Variants in HS2ST1 observed in about 807,000 individuals in gnomAD.
The protein encoded by HS2ST1 is 2-O-sulfotransferase.
A neutral mutation model predicts 42.9 loss-of-function variants in HS2ST1; 18 were observed. That is an observed-to-expected ratio of 0.42 (90% confidence interval 0.29 to 0.62). The LOEUF (loss-of-function observed/expected upper bound fraction) is 0.62, where lower values mean the gene tolerates loss of function less well. HS2ST1 is among the 20% of genes least tolerant of loss of function. HS2ST1 has a pLI of 0.21. For synonymous variants in HS2ST1, 146 were observed against 152.9 expected (o/e 0.95, Z 0.33); for missense variants, 334 against 433.8 (o/e 0.77, Z 2.04).
intron 3 of HS2ST1, among the ~76,000 whole-genome samples, chr1:87,087,095 A>G (rs1651834500): frequency 1.3e-5 from 2 of 152,140 alleles, no homozygotes; most frequent in African/African-American, 4.8e-5. Context: ...TATTATAAAC[A>G]GTAAAAATAT....
At chr1:87,096,545 A>C (rs1652070831) in intron 4 of HS2ST1, among the ~76,000 whole-genome samples, 1 of 152,190 alleles carries the variant, frequency 6.6e-6, no homozygotes, top group African/African-American at 2.4e-5. Context: ...CTTAATTTTT[A>C]TCATTGGCCT....
Position 86,950,597 on chromosome 1 carries a change from T to A in HS2ST1, c.124+35437T>A, listed in dbSNP as rs115861164. Among the ~76,000 whole-genome samples, 669 of 152,312 alleles carry A rather than the reference T, an allele frequency of 4.4e-3. 4 individuals carry two copies. The highest frequency in any genetic ancestry group is 0.015 in the African/African-American group (637 of 41,566). Reference sequence around the variant, plus strand: ...TTATTCTGATTACATAGGAAAATACTCTTCTTCTTAATGGGGTACATGTTG... The same window carrying A: ...TTATTCTGATTACATAGGAAAATACACTTCTTCTTAATGGGGTACATGTTG... On this transcript the variant is annotated intron_variant, in intron 1 of 6. Coordinates refer to ENST00000370550, the MANE Select transcript of HS2ST1 (RefSeq NM_012262.4).
intron 4 of HS2ST1, among the ~76,000 whole-genome samples, chr1:87,095,052 T>C (rs1049343163): frequency 1.2e-4 from 18 of 152,284 alleles, no homozygotes; most frequent in East Asian, 1.2e-3. Context: ...TTGTTTCTTA[T>C]GATACACATG....
At chr1:87,100,140 T>G (rs1237713954) in intron 5 of HS2ST1, among the ~76,000 whole-genome samples, 1 of 152,200 alleles carries the variant, frequency 6.6e-6, no homozygotes, top group Non-Finnish European at 1.5e-5. Flanking sequence ...ACAGCTCCAC[T>G]AGGCAGTTCC....
At chr1:86,984,214 A>G (rs1280855305) in intron 1 of HS2ST1, among the ~76,000 whole-genome samples, 1 of 152,194 alleles carries the variant, frequency 6.6e-6, no homozygotes, top group East Asian at 1.9e-4. Context: ...ACAAATTAAT[A>G]TGTATATTTG....
chr1:86,954,745 AT>A (rs1161144188), intron 1 of HS2ST1, among the ~76,000 whole-genome samples: 6 of 152,120 alleles, frequency 3.9e-5, no homozygotes, highest in African/African-American at 1.4e-4. Context: ...GAAAAATAGG[AT>A]CAGTATAAAA....
At chr1:86,947,134 T>TGAG (rs1229737406) in intron 1 of HS2ST1, among the ~76,000 whole-genome samples, 2 of 152,200 alleles carry the variant, frequency 1.3e-5, no homozygotes, top group Non-Finnish European at 2.9e-5. Context: ...AACCTTAAGT[T>TGAG]GAGGGAGCCC....
At chr1:86,970,758 G>C (rs1208306623) in intron 1 of HS2ST1, among the ~76,000 whole-genome samples, 2 of 151,990 alleles carry the variant, frequency 1.3e-5, no homozygotes, top group African/African-American at 4.8e-5. Context: ...AGTTATTTTG[G>C]TTCACACATG....
At chr1:86,921,358 T>C (rs1660292720) in intron 1 of HS2ST1, among the ~76,000 whole-genome samples, 1 of 152,192 alleles carries the variant, frequency 6.6e-6, no homozygotes, top group African/African-American at 2.4e-5. Flanking sequence ...ATTTAGGCTG[T>C]CATGTCTTCT....
chr1:86,982,286 G>A (rs1175875723), intron 1 of HS2ST1, among the ~76,000 whole-genome samples: 1 of 152,158 alleles, frequency 6.6e-6, no homozygotes, highest in Non-Finnish European at 1.5e-5. Context: ...ACATGCTCTA[G>A]AGACATTTTC....
At chr1:87,050,283 T>C (rs973321205) in intron 1 of HS2ST1, among the ~76,000 whole-genome samples, 1 of 152,084 alleles carries the variant, frequency 6.6e-6, no homozygotes, top group Non-Finnish European at 1.5e-5. Flanking sequence ...TTAGTAATTA[T>C]AAATTAAGAT....
chr1:86,988,897 C>A (rs1194675741), intron 1 of HS2ST1, among the ~76,000 whole-genome samples: 1 of 152,158 alleles, frequency 6.6e-6, no homozygotes, highest in Admixed American at 6.5e-5. Context: ...TAGTGAGTCT[C>A]GAACATTACA....
chr1:87,063,599 T>C lies in HS2ST1; in HGVS notation c.125-9335T>C, dbSNP rs1651171529. ...ATCCACCCGCCTCGGCTTCCCTAAA[T>C]GCTGGGATTACAAGCGTGAGCTACC... On this transcript the variant is annotated intron_variant, in intron 1 of 6. Transcript: ENST00000370550. Among the ~76,000 whole-genome samples, 3 of 152,316 alleles carry C rather than the reference T, an allele frequency of 2.0e-5. No individual in the cohort carries two copies. The South Asian group carries it at 6.2e-4, about 32-fold the overall frequency.
At chr1:87,057,767 C>T (rs945920257) in intron 1 of HS2ST1, among the ~76,000 whole-genome samples, 4 of 151,686 alleles carry the variant, frequency 2.6e-5, no homozygotes, top group African/African-American at 9.7e-5. Context: ...AGGAGAATGG[C>T]GTGAACCCGG....
intron 1 of HS2ST1, among the ~76,000 whole-genome samples, chr1:86,925,196 T>A (rs901197015): frequency 4.6e-5 from 7 of 152,186 alleles, no homozygotes; most frequent in African/African-American, 1.7e-4. Flanking sequence ...ACAAATTCCT[T>A]GTCTCCATCT....
intron 1 of HS2ST1, among the ~76,000 whole-genome samples, chr1:87,055,788 A>G (rs948468482): frequency 1.3e-5 from 2 of 152,200 alleles, no homozygotes; most frequent in Admixed American, 1.3e-4. Context: ...ACTAGTAGGC[A>G]TTGTGTTTTT....
chr1:87,086,351 A>G (rs1202510116), intron 3 of HS2ST1, among the ~76,000 whole-genome samples: 1 of 152,164 alleles, frequency 6.6e-6, no homozygotes, highest in Non-Finnish European at 1.5e-5. Flanking sequence ...GTGTGGTTGA[A>G]AAAAATCTAT....
At chr1:87,002,844 A>G (rs1445446262) in intron 1 of HS2ST1, among the ~76,000 whole-genome samples, 1 of 152,184 alleles carries the variant, frequency 6.6e-6, no homozygotes, top group Non-Finnish European at 1.5e-5. Context: ...CCATTTGGGA[A>G]TCATTGATTA....
At chr1:87,064,507 C>T (rs1373081093) in intron 1 of HS2ST1, 1 of 518,476 alleles carries the variant, frequency 1.9e-6, no homozygotes, top group East Asian at 5.4e-5. Context: ...ATAACCATAA[C>T]TTGTAAGTTT....
Sources: gnomAD v4.1 joint callset for allele counts (sites outside exome capture counted in the v4.1 genomes callset) on GRCh38, gnomAD v4.1.1 for gene constraint, MANE v1.5 for transcripts, NCBI Gene and HGNC (gene_info 2026-07-23, HGNC 2026-07-21) for gene names.